RAB44: variants seen among roughly 807,000 people sequenced by gnomAD.
RAB44 encodes RAB44, member RAS oncogene family.
In RAB44, 67 loss-of-function variants were observed where a neutral mutation model predicts 93.3. The observed-to-expected ratio is 0.72, with a 90% CI of 0.59 to 0.88. The LOEUF is 0.88. Ranked by LOEUF, RAB44 falls within the 40% of genes least tolerant of loss-of-function variation. The pLI is 0.00. For synonymous variants in RAB44, 427 were observed against 520.3 expected, an observed-to-expected ratio of 0.82 and a Z score of 2.44; for missense variants, 1,064 against 1,261.7, an observed-to-expected ratio of 0.84 and a Z score of 2.37.
At chr6:36,707,583 CA>C (rs1277439996) in intron 2 of RAB44, among the ~76,000 whole-genome samples, 4 of 152,236 alleles carry the variant, frequency 2.6e-5, no homozygotes, top group Non-Finnish European at 4.4e-5. Flanking sequence ...CTTTTGGACT[CA>C]AAAGAGTTGT....
rs140027267 is a variant in RAB44 at position 36,701,356 on chromosome 6, C to T, written c.-12-2868C>T. 5.0e-3 allele frequency among the ~76,000 whole-genome samples: 762 copies of T among 152,300 alleles called. 7 individuals carry two copies. The highest frequency in any genetic ancestry group is 0.017 in the African/African-American group (719 of 41,556). On this transcript the variant is annotated intron_variant, in intron 1 of 13. Coordinates refer to ENST00000612677, the MANE Select transcript of RAB44 (RefSeq NM_001257357.2). ...ACTCCTGGCTTCAAGTAATCCACCC[C>T]GTTGGCCTCCCAAAGTGTTAGGATT...
chr6:36,715,495 C>A lies in RAB44; in HGVS notation c.336C>A (p.Ser112=). 1.3e-6 allele frequency: 2 copies of A among 1,536,140 alleles called. No individual in the cohort carries two copies. The highest frequency in any genetic ancestry group is 1.7e-6 in the Non-Finnish European group (2 of 1,146,902). Residue 112 remains serine (S), a synonymous_variant, in exon 4 of 14, where the codon TCC becomes TCA. Transcript: ENST00000612677. ...GTCCCACAGAAAACATCTTTGGCTCCAGCCAGAGCCCCCACAGGCTCCGCA... is the reference window on the plus strand; with the variant it reads ...GTCCCACAGAAAACATCTTTGGCTCAAGCCAGAGCCCCCACAGGCTCCGCA... The part of the protein sequence containing the change: ...FSSGLKNIFG[S]SQSPHRLRRR...
rs1391200827 is a variant in RAB44, at chr6:36,715,550, T to C, written c.391T>C (p.Ser131Pro). The change falls in exon 4 of 14, where the codon TCT becomes CCT. Residue 131 changes from serine (S) to proline (P), a missense_variant. Coordinates refer to ENST00000612677, the MANE Select transcript of RAB44 (RefSeq NM_001257357.2). ...GAAGCCACTGCCCTCTAAGCGGGTA[T>C]CTGCTACCACCAGCTTCCCAGCTCT... is the stretch of plus-strand genomic sequence containing the variant. ...RRKPLPSKRV[S>P]ATTSFPALEE... The C allele has an allele frequency of 1.3e-6, 2 of 1,536,154 alleles. No homozygotes were observed. Among genetic ancestry groups the C allele is most frequent in the Non-Finnish European group, 1.7e-6 (2 of 1,146,904 alleles).
At chr6:36,725,619 G>A (rs1582643173) in intron 9 of RAB44, among the ~76,000 whole-genome samples, 1 of 152,310 alleles carries the variant, frequency 6.6e-6, no homozygotes, top group Non-Finnish European at 1.5e-5. Context: ...GTGGCCTAAG[G>A]AATGAACAAC....
chr6:36,718,779 A>G (rs947331441), intron 7 of RAB44, among the ~76,000 whole-genome samples, 191 bp downstream of exon 7: 3 of 152,118 alleles, frequency 2.0e-5, no homozygotes, highest in African/African-American at 4.8e-5. Flanking sequence ...CAGTTGTTCC[A>G]TCTCTGAAAC....
At position 36,722,602 on chromosome 6, in the gene RAB44, G is replaced by C. The variant is rs953465964; in HGVS notation, c.2468G>C (p.Gly823Ala). The C allele has an allele frequency of 2.5e-5, 39 of 1,550,514 alleles. No individual in the cohort carries two copies. The highest frequency in any genetic ancestry group is 3.2e-5 in the Non-Finnish European group (37 of 1,146,998). Residue 823 changes from glycine to alanine, a missense_variant, in exon 9 of 14, where the codon GGA becomes GCA. By Grantham distance (60) the Gly-to-Ala change is moderately conservative. Coordinates refer to ENST00000612677, the MANE Select transcript of RAB44 (RefSeq NM_001257357.2). ...LTPSPGDPMA[G>A]GGPQANPDYL... ...CCATCCCCGGGAGACCCCATGGCTG[G>C]AGGGGGACCCCAGGCCAACCCTGAT...
chr6:36,725,970 C>G, intron 10 of RAB44, 27 bp downstream of exon 10: 1 of 1,530,608 alleles, frequency 6.5e-7, no homozygotes, highest in Non-Finnish European at 8.9e-7. Flanking sequence ...ATCAGTGTGT[C>G]AGGAACCTAG....
chr6:36,704,027 G>T (rs1432462806), intron 1 of RAB44, among the ~76,000 whole-genome samples, 197 bp from the exon 2 acceptor site: 2 of 152,224 alleles, frequency 1.3e-5, no homozygotes, highest in Non-Finnish European at 2.9e-5. Flanking sequence ...AAGGGCAAAG[G>T]CGTTGAGCAG....
Position 36,704,282 on chromosome 6 carries a change from C to T in RAB44, c.47C>T (p.Ser16Phe). The change falls in exon 2 of 14, where the codon TCC (serine) becomes TTC (phenylalanine). Residue 16 changes from serine to phenylalanine, a missense_variant. By Grantham distance (155) the Ser-to-Phe change is radical (BLOSUM62 -2). Transcript: ENST00000612677. ...TCTCGAAAAGTCCGGAAGCTGGGCT[C>T]CAACCGGCGGCGGCAGACAAGAGAG... is the stretch of plus-strand genomic sequence containing the variant. ...RTSRKVRKLG[S>F]NRRRQTREPA... The T allele has an allele frequency of 1.3e-6, 2 of 1,536,144 alleles. No individual in the cohort carries two copies. The highest frequency in any genetic ancestry group is 8.7e-7 in the Non-Finnish European group (1 of 1,146,904).
chr6:36,725,230 C>T (rs961905603), intron 9 of RAB44, among the ~76,000 whole-genome samples: 4 of 152,180 alleles, frequency 2.6e-5, no homozygotes, highest in African/African-American at 9.7e-5. Flanking sequence ...CAAGATTGTG[C>T]AGCTGCGCGA....
At chr6:36,726,974 T>C (rs1334424082) in intron 10 of RAB44, among the ~76,000 whole-genome samples, 1 of 151,186 alleles carries the variant, frequency 6.6e-6, no homozygotes, top group East Asian at 1.9e-4. Context: ...CTAATTTTTG[T>C]ATTTTTAGTA....
chr6:36,708,415 A>G (rs1324822575), intron 2 of RAB44, among the ~76,000 whole-genome samples: 1 of 152,128 alleles, frequency 6.6e-6, no homozygotes, highest in African/African-American at 2.4e-5. Context: ...GAAGTATTTA[A>G]AACATATAGA....
At position 36,731,777 on chromosome 6, in the gene RAB44, G is replaced by A. The variant is rs567132329; in HGVS notation, c.2976-226G>A. 6.6e-6 allele frequency among the ~76,000 whole-genome samples: 1 copy of A among 152,274 alleles called. No homozygotes were observed. The highest frequency in any genetic ancestry group is 1.9e-4 in the East Asian group (1 of 5,178). The stretch of plus-strand genomic sequence containing the variant: ...CAAGGGAGGGAATGGTGGCTTCTTT[G>A]TCATAGTCAGAGTCCTGCACAGTGC... On this transcript the variant is annotated intron_variant, in intron 13 of 13. Transcript: ENST00000612677. This position sits in a 1 kb window ranked among gnomAD's most constrained non-coding sequence, Gnocchi z 4.0.
intron 10 of RAB44, 88 bp from the exon 11 acceptor site, chr6:36,727,489 A>G: frequency 3.8e-6 from 3 of 797,086 alleles, no homozygotes; most frequent in Non-Finnish European, 6.4e-6. Context: ...AGCAATTAGA[A>G]GTAGGATAGG....
intron 9 of RAB44, among the ~76,000 whole-genome samples, chr6:36,724,652 T>TCAACCAAC (rs76700851): frequency 0.037 from 5,542 of 148,904 alleles, 254 homozygotes; most frequent in African/African-American, 0.1. Flanking sequence ...AACCAACCAA[T>TCAACCAAC]CAACCAACCA....
chr6:36,709,784 T>C (rs1016662491), intron 2 of RAB44, among the ~76,000 whole-genome samples: 6 of 152,214 alleles, frequency 3.9e-5, no homozygotes, highest in African/African-American at 1.4e-4. Flanking sequence ...CTCGAACTCC[T>C]GACCTCAAGT....
At chr6:36,699,886 C>T (rs180758257) in intron 1 of RAB44, among the ~76,000 whole-genome samples, 188 of 152,326 alleles carry the variant, frequency 1.2e-3, no homozygotes, top group Non-Finnish European at 2.2e-3. Flanking sequence ...TGATACCAAG[C>T]GCACTCCTAA....
Position 36,722,058 on chromosome 6 carries a change from C to A in RAB44, c.1924C>A (p.Gln642Lys), listed in dbSNP as rs1402526558. ...LEQGQAGPAVQEGLPEGLREA... is the reference protein window; with the variant it reads ...LEQGQAGPAVKEGLPEGLREA... ...GCAGGGCCAGGCGGGCCCAGCGGTGCAGGAGGGCCTTCCTGAGGGGCTAAG... is the reference window on the plus strand; with the variant it reads ...GCAGGGCCAGGCGGGCCCAGCGGTGAAGGAGGGCCTTCCTGAGGGGCTAAG... Residue 642 changes from glutamine (Q) to lysine (K), a missense_variant, in exon 9 of 14, where the codon CAG becomes AAG. Gln to Lys is a moderately conservative substitution (Grantham distance 53). Coordinates refer to ENST00000612677, the MANE Select transcript of RAB44 (RefSeq NM_001257357.2). 39 of 1,234,832 alleles carry A rather than the reference C, an allele frequency of 3.2e-5. No individual in the cohort carries two copies. Among genetic ancestry groups the A allele is most frequent in the Non-Finnish European group, 3.5e-5 (35 of 988,578 alleles). 76.5% of individuals were successfully genotyped at this position (1,234,832 alleles called of 1,614,324 possible).
chr6:36,714,125 G>A (rs917090055), intron 3 of RAB44, among the ~76,000 whole-genome samples, 186 bp downstream of exon 3: 4 of 152,210 alleles, frequency 2.6e-5, no homozygotes, highest in East Asian at 3.9e-4. Context: ...GGAGGCCTCC[G>A]GGCTTGCTTT....
Sources: allele counts gnomAD v4.1 joint callset (sites outside exome capture counted in the v4.1 genomes callset), GRCh38; gene constraint gnomAD v4.1.1; non-coding constraint Gnocchi (gnomAD v3.1); transcripts MANE v1.5; gene names NCBI Gene and HGNC (gene_info 2026-07-23, HGNC 2026-07-21).